DCC: variants seen among roughly 807,000 people sequenced by gnomAD.
DCC encodes the protein DCC netrin 1 receptor, also known as netrin receptor DCC.
Under a neutral mutation model 172.5 loss-of-function variants are expected in DCC, and 58 were observed. That is an observed-to-expected ratio of 0.34 (90% CI 0.27 to 0.42). DCC has a LOEUF of 0.42. Ranked by LOEUF, DCC falls within the 10% of genes least tolerant of loss-of-function variation. The pLI, the probability that DCC is intolerant of heterozygous loss-of-function variation, is 1.00. For synonymous variants in DCC, 709 were observed against 644.5 expected, an observed-to-expected ratio of 1.10 and a Z score of -1.52; for missense variants, 1,740 against 1,791.0, an observed-to-expected ratio of 0.97 and a Z score of 0.51.
intron 2 of DCC, among the ~76,000 whole-genome samples, chr18:52,887,688 T>G (rs539751678): frequency 6.6e-6 from 1 of 152,322 alleles, no homozygotes; most frequent in African/African-American, 2.4e-5. Flanking sequence ...GGCAATTGTT[T>G]ATCTCAACTT....
chr18:52,537,231 A>G (rs1470024577), intron 1 of DCC, among the ~76,000 whole-genome samples: 1 of 152,248 alleles, frequency 6.6e-6, no homozygotes. Context: ...CAGGAAATAA[A>G]TAAATAAATG....
At chr18:52,609,845 GC>G (rs1358916216) in intron 1 of DCC, among the ~76,000 whole-genome samples, 11 of 151,898 alleles carry the variant, frequency 7.2e-5, no homozygotes, top group Admixed American at 3.9e-4. Flanking sequence ...TACAAGAAAA[GC>G]CCATAAAACA....
chr18:53,518,978 T>C (rs1215136910), intron 27 of DCC, among the ~76,000 whole-genome samples: 1 of 152,144 alleles, frequency 6.6e-6, no homozygotes, highest in Non-Finnish European at 1.5e-5. Context: ...AGAACATTTA[T>C]TTTTTACAAA....
chr18:52,410,992 G>T (rs1028497283), intron 1 of DCC, among the ~76,000 whole-genome samples: 17 of 152,078 alleles, frequency 1.1e-4, no homozygotes, highest in African/African-American at 3.9e-4. Flanking sequence ...ACTGGTTCCA[G>T]GATATTTTTT....
rs74935277 is a variant in DCC at position 53,127,013 on chromosome 18, C to T, written c.1262-30343C>T. 5.7e-3 allele frequency among the ~76,000 whole-genome samples: 863 copies of T among 152,116 alleles called. 6 individuals carry two copies. Among genetic ancestry groups the T allele is most frequent in the Admixed American group, 0.023 (351 of 15,250 alleles). On this transcript the variant is annotated intron_variant, in intron 7 of 28. Transcript: ENST00000442544. ...AGGCTTTCCAGGAGCCAAAGTCTGG[C>T]AATTGTAGGTGCATCTCTTTCAGAC...
rs142140247 is a variant in DCC, at chr18:53,267,867, C to T, written c.1912-37711C>T. Among the ~76,000 whole-genome samples, 576 of 152,218 alleles carry T rather than the reference C, an allele frequency of 3.8e-3. 4 individuals carry two copies. Among genetic ancestry groups the T allele is most frequent in the Admixed American group, 0.022 (340 of 15,270 alleles). ...TTTTAGGTTTGTGAATAGCAGGTTTCCAAGGTTTAATATTTAATAAAATTC... is the reference window on the plus strand; with the variant it reads ...TTTTAGGTTTGTGAATAGCAGGTTTTCAAGGTTTAATATTTAATAAAATTC... On this transcript the variant is annotated intron_variant, in intron 12 of 28. Coordinates refer to ENST00000442544, the MANE Select transcript of DCC (RefSeq NM_005215.4).
At chr18:53,194,678 C>A (rs1598894344) in intron 9 of DCC, among the ~76,000 whole-genome samples, 1 of 152,288 alleles carries the variant, frequency 6.6e-6, no homozygotes, top group African/African-American at 2.4e-5. Context: ...CCCTGTTGCC[C>A]AGGCTGGTCT....
chr18:53,375,146 A>G (rs2058097094), intron 15 of DCC, among the ~76,000 whole-genome samples: 1 of 152,196 alleles, frequency 6.6e-6, no homozygotes, highest in Non-Finnish European at 1.5e-5. Context: ...AGAGCACTTC[A>G]GGATTGACAT....
intron 1 of DCC, among the ~76,000 whole-genome samples, chr18:52,563,623 T>C (rs1480101962): frequency 6.6e-6 from 1 of 152,170 alleles, no homozygotes; most frequent in Non-Finnish European, 1.5e-5. Context: ...ACTATGCCTT[T>C]TTGCATTTGT....
At chr18:52,673,716 A>G (rs1315539025) in intron 1 of DCC, among the ~76,000 whole-genome samples, 1 of 152,202 alleles carries the variant, frequency 6.6e-6, no homozygotes, top group Non-Finnish European at 1.5e-5. Context: ...GATAAAAGCC[A>G]TTGCCAGGTT....
chr18:52,784,143 C>CT (rs973740092), intron 2 of DCC, among the ~76,000 whole-genome samples: 8 of 151,996 alleles, frequency 5.3e-5, no homozygotes, highest in Non-Finnish European at 2.9e-5. Context: ...ATGAGATCAA[C>CT]TTTTTTTGCT....
chr18:53,029,852 G>A (rs1446926008), intron 5 of DCC, among the ~76,000 whole-genome samples: 1 of 152,046 alleles, frequency 6.6e-6, no homozygotes, highest in African/African-American at 2.4e-5. Context: ...ATCTAAGCTT[G>A]CCTGGTCTCT....
At chr18:52,780,693 T>G (rs2037523114) in intron 2 of DCC, among the ~76,000 whole-genome samples, 1 of 152,176 alleles carries the variant, frequency 6.6e-6, no homozygotes, top group South Asian at 2.1e-4. Flanking sequence ...ATTCAGGTTC[T>G]TTCTGGTGTC....
chr18:53,356,950 T>G (rs1422232588), intron 15 of DCC, among the ~76,000 whole-genome samples: 1 of 152,160 alleles, frequency 6.6e-6, no homozygotes, highest in Non-Finnish European at 1.5e-5. Context: ...GCTCACTTTA[T>G]TTTTCTTCTC....
intron 1 of DCC, among the ~76,000 whole-genome samples, chr18:52,732,188 G>A (rs1039133913): frequency 6.6e-6 from 1 of 152,108 alleles, no homozygotes; most frequent in Non-Finnish European, 1.5e-5. Context: ...CCCACGAAGT[G>A]ATGGTATTTT....
chr18:53,199,550 C>A (rs2055502994), intron 9 of DCC, among the ~76,000 whole-genome samples: 1 of 151,608 alleles, frequency 6.6e-6, no homozygotes, highest in Non-Finnish European at 1.5e-5. Context: ...TACATGCATA[C>A]CTATACATAT....
intron 12 of DCC, among the ~76,000 whole-genome samples, chr18:53,292,791 A>C (rs2057021909): frequency 6.6e-6 from 1 of 152,194 alleles, no homozygotes; most frequent in African/African-American, 2.4e-5. Context: ...TTTGTAATCT[A>C]ATTGTTGCAA....
chr18:52,771,729 C>T (rs1487792393), intron 2 of DCC, among the ~76,000 whole-genome samples: 2 of 152,060 alleles, frequency 1.3e-5, no homozygotes, highest in Non-Finnish European at 2.9e-5. Context: ...GCCAAAAGGC[C>T]AAGTAGCACT....
At chr18:52,923,049 G>T (rs2040148481) in intron 3 of DCC, among the ~76,000 whole-genome samples, 1 of 152,094 alleles carries the variant, frequency 6.6e-6, no homozygotes, top group Non-Finnish European at 1.5e-5. Flanking sequence ...AGGATGCAGA[G>T]ACCTTCACTG....
Sources: allele counts gnomAD v4.1 joint callset (sites outside exome capture counted in the v4.1 genomes callset), GRCh38; gene constraint gnomAD v4.1.1; transcripts MANE v1.5; gene names NCBI Gene and HGNC (gene_info 2026-07-23, HGNC 2026-07-21).